The following TG variants were observed in gnomAD, a reference collection of about 807,000 sequenced individuals.
TG encodes the protein thyroglobulin.
A neutral mutation model predicts 324.7 loss-of-function variants in TG; 270 were observed. The observed-to-expected ratio is 0.83, with a 90% CI of 0.75 to 0.92. The LOEUF (loss-of-function observed/expected upper bound fraction) is 0.92. Ranked by LOEUF, TG falls within the 40% of genes least tolerant of loss-of-function variation. The pLI is 0.00. For synonymous variants in TG, 1,401 were observed against 1,327.0 expected, an observed-to-expected ratio of 1.06 and a Z score of -1.21; for missense variants, 3,591 against 3,456.4, an observed-to-expected ratio of 1.04 and a Z score of -0.98.
At chr8:132,983,141 A>G (rs1831092596) in intron 34 of TG, among the ~76,000 whole-genome samples, 1 of 152,090 alleles carries the variant, frequency 6.6e-6, no homozygotes, top group South Asian at 2.1e-4. Flanking sequence ...AAGGAGAGGG[A>G]TCCTGAACTG....
At chr8:132,908,967 G>A (rs1375748363) in intron 18 of TG, among the ~76,000 whole-genome samples, 1 of 152,198 alleles carries the variant, frequency 6.6e-6, no homozygotes, top group Non-Finnish European at 1.5e-5. Context: ...CTTAGTGTGA[G>A]CCATAAAATT....
chr8:132,957,247 A>G lies in TG; in HGVS notation c.5402-3761A>G, dbSNP rs189218665. On this transcript the variant is annotated intron_variant, in intron 27 of 47. Coordinates refer to ENST00000220616, the MANE Select transcript of TG (RefSeq NM_003235.5). ...CTGGACCTACAAAGGTGCTCTACAT[A>G]CATGTGCTGAATTTAGTTGAATTCC... Among the ~76,000 whole-genome samples the G allele has an allele frequency of 3.9e-5, 6 of 152,278 alleles. No homozygotes were observed. The East Asian group carries it at 1.2e-3, about 29-fold the overall frequency.
At chr8:132,953,031 C>T (rs558334547) in intron 27 of TG, among the ~76,000 whole-genome samples, 3 of 152,244 alleles carry the variant, frequency 2.0e-5, no homozygotes, top group East Asian at 1.9e-4. Context: ...AAGGGGTCTC[C>T]GGTAACTGAG....
In TG at chr8:133,011,762, G is replaced by A. The variant is rs1834527364; in HGVS notation, c.6263-139G>A. ...CTTGTAGAATGGAAAGATGGATCAA[G>A]CTATAAGGTTGCACAGGAATGGAGA... On this transcript the variant is annotated intron_variant, in intron 35 of 47. Coordinates refer to ENST00000220616, the MANE Select transcript of TG (RefSeq NM_003235.5). 9.9e-6 allele frequency: 10 copies of A among 1,009,722 alleles called. No homozygotes were observed. The South Asian group carries it at 1.2e-4, about 12-fold the overall frequency. The allele number at this position is 1,009,722 out of a possible 1,614,324, so 62.5% of individuals were successfully genotyped here. A position where few individuals can be genotyped will look rare whatever the true frequency, so the allele number is the denominator to read the frequency against.
At chr8:133,003,995 C>A (rs1833799692) in intron 35 of TG, among the ~76,000 whole-genome samples, 1 of 152,152 alleles carries the variant, frequency 6.6e-6, no homozygotes, top group Non-Finnish European at 1.5e-5. Context: ...TAGATGGAAC[C>A]AGTTAATCTT....
At chr8:132,957,276 G>C (rs1369785971) in intron 27 of TG, among the ~76,000 whole-genome samples, 1 of 152,088 alleles carries the variant, frequency 6.6e-6, no homozygotes, top group Non-Finnish European at 1.5e-5. Flanking sequence ...GAATTCCATT[G>C]GATTAAATTG....
At chr8:132,874,428 G>T (rs1049891125) in intron 5 of TG, among the ~76,000 whole-genome samples, 17 of 152,166 alleles carry the variant, frequency 1.1e-4, no homozygotes, top group Non-Finnish European at 2.4e-4. Context: ...TCTTGTAAAG[G>T]GTTCACGCAG....
At chr8:132,964,604 C>G (rs1400812150) in intron 29 of TG, 4 of 358,660 alleles carry the variant, frequency 1.1e-5, no homozygotes, top group Non-Finnish European at 2.0e-5. Flanking sequence ...AGTGATTGGT[C>G]TCATTGCTTT....
At chr8:132,925,089 A>G (rs1406250172) in intron 22 of TG, among the ~76,000 whole-genome samples, 1 of 152,112 alleles carries the variant, frequency 6.6e-6, no homozygotes, top group East Asian at 1.9e-4. Context: ...CCTAACATAC[A>G]TGGGCTTACT....
intron 41 of TG, among the ~76,000 whole-genome samples, chr8:133,061,461 C>A (rs898685642): frequency 6.6e-6 from 1 of 152,180 alleles, no homozygotes; most frequent in Non-Finnish European, 1.5e-5. Flanking sequence ...TACTGATTGT[C>A]CTTAATGATA....
intron 41 of TG, among the ~76,000 whole-genome samples, chr8:133,076,945 C>T (rs1844978771): frequency 6.6e-6 from 1 of 152,086 alleles, no homozygotes; most frequent in Non-Finnish European, 1.5e-5. Context: ...TACTACTTCC[C>T]CTAGGAGGAG....
chr8:133,087,792 G>A (rs1347168360), intron 41 of TG: 2 of 152,200 alleles, frequency 1.3e-5, no homozygotes, highest in Non-Finnish European at 2.9e-5. Flanking sequence ...CAGGCAGCAG[G>A]AGGTACCCTG....
rs1554691185 is a variant in TG, at chr8:132,990,934, T to TA, written c.6262+7523dup. Among the ~76,000 whole-genome samples, 59 of 145,322 alleles carry TA rather than the reference T, an allele frequency of 4.1e-4. No homozygotes were observed. In the East Asian group the frequency reaches 0.011, roughly 26 times the overall value. On this transcript the variant is annotated intron_variant, in intron 35 of 47. Transcript: ENST00000220616. ...AGGCCAGTTTTTTTTTTTTTTTTTT[T>TA]AGCAAAAAGTTAATTCTACCAACAG...
At chr8:133,107,573 A>G (rs1233156507) in intron 43 of TG, among the ~76,000 whole-genome samples, 2 of 152,184 alleles carry the variant, frequency 1.3e-5, no homozygotes, top group African/African-American at 4.8e-5. Flanking sequence ...GGCCTCGCCA[A>G]TCATGAAGGA....
intron 41 of TG, among the ~76,000 whole-genome samples, chr8:133,065,989 C>T (rs541646817): frequency 6.6e-6 from 1 of 151,960 alleles, no homozygotes; most frequent in Non-Finnish European, 1.5e-5. Flanking sequence ...GAGAGCGAGG[C>T]CAGTTGAGGC....
Position 132,897,727 on chromosome 8 carries a change from A to G in TG, c.3080A>G (p.Tyr1027Cys). The change falls in exon 12 of 48, where the codon TAC (tyrosine) becomes TGC (cysteine). Residue 1027 changes from tyrosine (Y) to cysteine (C), a missense_variant. By Grantham distance (194) the Tyr-to-Cys change is radical. Coordinates refer to ENST00000220616, the MANE Select transcript of TG (RefSeq NM_003235.5). ...GASALLRSGP[Y>C]MPQCDAFGSW... ...TCCGCCCTTCTGCGGTCGGGCCCCT[A>G]CATGCCACAGTGTGATGCGTTTGGA... 6.2e-7 allele frequency: 1 copy of G among 1,614,178 alleles called. No homozygotes were observed.
chr8:132,973,465 G>C (rs1829800016), intron 34 of TG, among the ~76,000 whole-genome samples: 1 of 152,118 alleles, frequency 6.6e-6, no homozygotes, highest in Admixed American at 6.5e-5. Context: ...ATTGATGAAG[G>C]AATGAATGGC....
At chr8:133,021,237 G>C (rs1218068214) in intron 39 of TG, among the ~76,000 whole-genome samples, 1 of 152,192 alleles carries the variant, frequency 6.6e-6, no homozygotes, top group East Asian at 1.9e-4. Flanking sequence ...ACAGTGCCTG[G>C]CTCCTAGTAA....
At chr8:133,002,497 A>ATAT (rs1367529125) in intron 35 of TG, 1 of 885,014 alleles carries the variant, frequency 1.1e-6, no homozygotes, top group East Asian at 1.2e-4. Flanking sequence ...TTCAGACACA[A>ATAT]TTAAAATTTG....
Sources: gnomAD v4.1 joint callset for allele counts (sites outside exome capture counted in the v4.1 genomes callset) on GRCh38, gnomAD v4.1.1 for gene constraint, MANE v1.5 for transcripts, NCBI Gene and HGNC (gene_info 2026-07-23, HGNC 2026-07-21) for gene names.